GBE1: variants seen among roughly 807,000 people sequenced by gnomAD.
GBE1 encodes 1,4-alpha-glucan branching enzyme 1.
In GBE1, 70 loss-of-function variants were observed where a neutral mutation model predicts 88.8. The observed-to-expected ratio is 0.79, with a 90% CI of 0.65 to 0.96. The LOEUF is 0.96. Ranked by LOEUF, GBE1 falls within the 40% of genes least tolerant of loss-of-function variation. The pLI is 0.00. For missense variants in GBE1, 872 were observed against 871.0 expected (o/e 1.00, Z -0.01); for synonymous variants, 284 against 300.1 (o/e 0.95, Z 0.56).
At chr3:81,652,026 C>T (rs9824576) in intron 3 of GBE1, among the ~76,000 whole-genome samples, 21,229 of 152,226 alleles carry the variant, frequency 0.14, 1,630 homozygotes, top group Non-Finnish European at 0.19. Context: ...GCCAAGAAGG[C>T]AAGGCCCTGA....
At chr3:81,713,339 T>C (rs778005312) in intron 1 of GBE1, among the ~76,000 whole-genome samples, 4 of 152,198 alleles carry the variant, frequency 2.6e-5, no homozygotes, top group Non-Finnish European at 5.9e-5. Context: ...TGGATGCTTC[T>C]TGACGACATG....
chr3:81,605,627 T>C (rs555526003), intron 7 of GBE1, among the ~76,000 whole-genome samples: 19 of 152,338 alleles, frequency 1.2e-4, no homozygotes, highest in Admixed American at 1.2e-3. Context: ...GTGCTTTGCA[T>C]GAATTATTTC....
chr3:81,535,011 A>C, intron 14 of GBE1, 184 bp downstream of exon 14: 1 of 575,650 alleles, frequency 1.7e-6, no homozygotes, highest in Non-Finnish European at 2.9e-6. Flanking sequence ...CTTAGGAATA[A>C]TTCAGTATAA....
intron 1 of GBE1, among the ~76,000 whole-genome samples, chr3:81,718,877 C>T (rs996191368): frequency 1.3e-5 from 2 of 152,042 alleles, no homozygotes; most frequent in Admixed American, 1.3e-4. Flanking sequence ...TCAGGTGATC[C>T]GCCCACCTCG....
chr3:81,529,288 T>C (rs1702985331), intron 14 of GBE1, among the ~76,000 whole-genome samples: 1 of 152,060 alleles, frequency 6.6e-6, no homozygotes, highest in South Asian at 2.1e-4. Flanking sequence ...TTTTTGTTTG[T>C]ATTTATATCT....
chr3:81,702,100 AGAGTGT>A (rs55965527), intron 2 of GBE1, among the ~76,000 whole-genome samples: 5,463 of 73,500 alleles, frequency 0.074, 97 homozygotes, highest in Non-Finnish European at 0.09. Context: ...AGAGAGAGAG[AGAGTGT>A]GTGTGTGTGT....
At chr3:81,541,007 A>T (rs1261363035) in intron 12 of GBE1, among the ~76,000 whole-genome samples, 8 of 151,562 alleles carry the variant, frequency 5.3e-5, no homozygotes, top group African/African-American at 1.9e-4. Context: ...GACCTCCCCA[A>T]CTCCCATTTC....
intron 12 of GBE1, among the ~76,000 whole-genome samples, chr3:81,577,582 T>C (rs576284956): frequency 2.0e-5 from 3 of 152,284 alleles, no homozygotes; most frequent in East Asian, 1.9e-4. Context: ...ATGATAATTA[T>C]ATCTTTCTTA....
chr3:81,594,089 T>A, intron 7 of GBE1, 66 bp from the exon 8 acceptor site: 1 of 681,794 alleles, frequency 1.5e-6, no homozygotes, highest in Admixed American at 3.0e-5. Flanking sequence ...CTGTTATAAA[T>A]GTTTGCTATT....
intron 14 of GBE1, among the ~76,000 whole-genome samples, chr3:81,532,955 T>A: frequency 6.6e-6 from 1 of 152,060 alleles, no homozygotes; most frequent in East Asian, 1.9e-4. Flanking sequence ...CTGCCACTTA[T>A]TTTTTCATTT....
chr3:81,497,150 T>C (rs1420449824), intron 15 of GBE1, among the ~76,000 whole-genome samples: 1 of 152,192 alleles, frequency 6.6e-6, no homozygotes, highest in Non-Finnish European at 1.5e-5. Context: ...CTGCCACTTG[T>C]TGGTTGGCTT....
chr3:81,581,631 TGTACATG>T (rs376629342), intron 10 of GBE1, among the ~76,000 whole-genome samples: 7 of 152,210 alleles, frequency 4.6e-5, no homozygotes, highest in African/African-American at 1.7e-4. Flanking sequence ...TCCTATAACT[TGTACATG>T]GTAGAGATAC....
chr3:81,662,541 T>C (rs931941007), intron 3 of GBE1, among the ~76,000 whole-genome samples: 1 of 152,176 alleles, frequency 6.6e-6, no homozygotes, highest in East Asian at 1.9e-4. Context: ...TAAAAGAGTC[T>C]GGTAAATTTA....
intron 12 of GBE1, among the ~76,000 whole-genome samples, chr3:81,571,026 T>A (rs566017715): frequency 6.6e-6 from 1 of 152,198 alleles, no homozygotes; most frequent in African/African-American, 2.4e-5. Context: ...GGATCTAAAG[T>A]CTTCTTTAAC....
chr3:81,668,417 G>C (rs977343749), intron 3 of GBE1, among the ~76,000 whole-genome samples: 1 of 152,182 alleles, frequency 6.6e-6, no homozygotes, highest in Non-Finnish European at 1.5e-5. Flanking sequence ...CACTGGTACT[G>C]TTCAGGCAAA....
At chr3:81,673,266 G>C (rs373373683) in intron 2 of GBE1, among the ~76,000 whole-genome samples, 1 of 151,722 alleles carries the variant, frequency 6.6e-6, no homozygotes, top group Non-Finnish European at 1.5e-5. Context: ...ATCTTTTCCC[G>C]GTTAGGTAGA....
intron 1 of GBE1, among the ~76,000 whole-genome samples, chr3:81,750,316 A>T (rs1349779121): frequency 6.6e-6 from 1 of 151,696 alleles, no homozygotes; most frequent in Non-Finnish European, 1.5e-5. Context: ...AAGCCTCATA[A>T]GCTTGTGTGT....
At chr3:81,585,047 A>T (rs1187057874) in intron 10 of GBE1, among the ~76,000 whole-genome samples, 1 of 152,158 alleles carries the variant, frequency 6.6e-6, no homozygotes, top group African/African-American at 2.4e-5. Context: ...TAACAAATAC[A>T]AGGCTACGTT....
chr3:81,694,065 A>G (rs183834564), intron 2 of GBE1, among the ~76,000 whole-genome samples: 78 of 152,324 alleles, frequency 5.1e-4, no homozygotes, highest in Admixed American at 7.2e-4. Context: ...CTAAGAACTC[A>G]GAGCCTTTTT....
Sources: allele counts gnomAD v4.1 joint callset (sites outside exome capture counted in the v4.1 genomes callset), GRCh38; gene constraint gnomAD v4.1.1; transcripts MANE v1.5; gene names NCBI Gene and HGNC (gene_info 2026-07-23, HGNC 2026-07-21).